Variants in TTN observed in about 807,000 individuals in gnomAD.
The protein encoded by TTN is connectin.
In TTN, 1,525 loss-of-function variants were observed where a neutral mutation model predicts 3,223.0. That is an observed-to-expected ratio of 0.47 (90% CI 0.45 to 0.49). The LOEUF (loss-of-function observed/expected upper bound fraction) is 0.49, where lower values mean the gene tolerates loss of function less well. Ranked by LOEUF, TTN falls within the 20% of genes least tolerant of loss-of-function variation. The probability of loss-of-function intolerance (pLI) is 0.00; values close to 1 mark genes in which losing one functional copy is unlikely to be tolerated. For synonymous variants in TTN, 14,094 were observed against 15,161.0 expected (o/e 0.93, Z 5.17); for missense variants, 40,786 against 43,424.0 (o/e 0.94, Z 5.40).
At chr2:178,720,748 C>A in intron 79 of TTN, 85 bp from the exon 80 acceptor site, 1 of 1,415,524 alleles carries the variant, frequency 7.1e-7, no homozygotes. Flanking sequence ...TGAAGAGTGA[C>A]TGGTGTGATC....
At position 178,739,608 on chromosome 2, in the gene TTN, C is replaced by A; in HGVS notation, c.13625G>T (p.Ser4542Ile). The stretch of plus-strand genomic sequence containing the variant: ...TGTGGCATCCAAATATTTAACCCTA[C>A]TTTGCACGTTAAAATAACTGACCTC... ...TEEVSYFNVQSRVKYLDATPV... is the reference protein window; with the variant it reads ...TEEVSYFNVQIRVKYLDATPV... Residue 4542 changes from serine (S) to isoleucine (I), a missense_variant, in exon 48 of 363, where the codon AGT becomes ATT. By Grantham distance (142) the Ser-to-Ile change is moderately radical. Coordinates refer to ENST00000589042, the MANE Select transcript of TTN (RefSeq NM_001267550.2). 1 of 1,613,858 alleles carries A rather than the reference C, an allele frequency of 6.2e-7. No homozygotes were observed. The highest frequency in any genetic ancestry group is 8.5e-7 in the Non-Finnish European group (1 of 1,179,832).
At chr2:178,733,918 A>G in intron 52 of TTN, 26 bp from the exon 53 acceptor site, 1 of 1,542,648 alleles carries the variant, frequency 6.5e-7, no homozygotes, top group Non-Finnish European at 8.7e-7. Flanking sequence ...GAGCATATAA[A>G]ACATATCAAT....
In TTN at chr2:178,552,767, T is replaced by C; in HGVS notation, c.90133A>G (p.Thr30045Ala). ...TTGGTCCAGCTGAGGATGACAGATG[T>C]CTTTGTTGAGTCTTTCATTGAGAGA... ...RDLSMKDSTK[T>A]SVILSWTKPD... Residue 30045 changes from threonine to alanine, a missense_variant, in exon 335 of 363, where the codon ACA becomes GCA. Thr to Ala is a moderately conservative substitution (Grantham distance 58). Transcript: ENST00000589042. 6.2e-7 allele frequency: 1 copy of C among 1,613,950 alleles called. No homozygotes were observed. The highest frequency in any genetic ancestry group is 8.5e-7 in the Non-Finnish European group (1 of 1,179,840).
Position 178,579,605 on chromosome 2 carries a change from T to A in TTN, c.67592A>T (p.Glu22531Val). ...FRVSAENENG[E>V]GTPSEITVVA... ...AACAGTGATTTCGCTTGGGGTTCCTTCTCCATTTTCATTCTCAGCACTCAC... is the reference window on the plus strand; with the variant it reads ...AACAGTGATTTCGCTTGGGGTTCCTACTCCATTTTCATTCTCAGCACTCAC... Residue 22531 changes from glutamate to valine, a missense_variant, in exon 319 of 363, where the codon GAA becomes GTA. Coordinates refer to ENST00000589042, the MANE Select transcript of TTN (RefSeq NM_001267550.2). 1 of 1,613,366 alleles carries A rather than the reference T, an allele frequency of 6.2e-7. No homozygotes were observed. Among genetic ancestry groups the A allele is most frequent in the Non-Finnish European group, 8.5e-7 (1 of 1,179,522 alleles).
Position 178,675,087 on chromosome 2 carries a change from C to T in TTN, c.34564G>A (p.Glu11522Lys), listed in dbSNP as rs749523799. ...TCTTTAGGGAGAATGATTCGTTTTT[C>T]TTCCACCTTCTTAGGCACCTCAGGA... The part of the protein sequence containing the change: ...KVPEVPKKVE[E>K]KRIILPKEEE... The change falls in exon 150 of 363, where the codon GAA becomes AAA. Residue 11522 changes from glutamate to lysine, a missense_variant. Coordinates refer to ENST00000589042, the MANE Select transcript of TTN (RefSeq NM_001267550.2). The T allele has an allele frequency of 1.3e-6, 2 of 1,561,282 alleles. No homozygotes were observed. The highest frequency in any genetic ancestry group is 2.0e-5 in the Admixed American group (1 of 50,426).
At position 178,689,338 on chromosome 2, in the gene TTN, T is replaced by A. The variant is rs1172275396; in HGVS notation, c.31963A>T (p.Arg10655Trp). The A allele has an allele frequency of 6.2e-7, 1 of 1,613,798 alleles. No homozygotes were observed. Among genetic ancestry groups the A allele is most frequent in the Non-Finnish European group, 8.5e-7 (1 of 1,179,870 alleles). Residue 10655 changes from arginine to tryptophan, a missense_variant, in exon 124 of 363, where the codon AGG (arginine) becomes TGG (tryptophan). Physicochemically the swap from Arg to Trp is moderately radical, Grantham distance 101. Coordinates refer to ENST00000589042, the MANE Select transcript of TTN (RefSeq NM_001267550.2). ...TCCTCCTTCCGAGGAACAGGTTTCC[T>A]TTCTTCAGGAACTTTCTTCTTTGGT... ...EIPKKKVPEE[R>W]KPVPRKEEEV...
Position 178,575,695 on chromosome 2 carries a change from C to T in TTN, c.70437G>A (p.Arg23479=), listed in dbSNP as rs767306603. 4 of 1,613,398 alleles carry T rather than the reference C, an allele frequency of 2.5e-6. No homozygotes were observed. The highest frequency in any genetic ancestry group is 3.4e-6 in the Non-Finnish European group (4 of 1,179,640). The stretch of plus-strand genomic sequence containing the variant: ...TAGTGGTGGCTGTGGAATAAGATTT[C>T]CGTGTTGCTTCACGTTTCTCTACAA... The part of the protein sequence containing the change: ...NYIVEKREAT[R]KSYSTATTKC... The change falls in exon 326 of 363, where the codon CGG becomes CGA. Residue 23479 remains arginine, a synonymous_variant. Transcript: ENST00000589042. This position sits in a 1 kb window ranked among gnomAD's most constrained non-coding sequence, Gnocchi z 4.0.
Position 178,667,619 on chromosome 2 carries a change from GATC to G in TTN, c.35629+16_35629+18del. 1 of 1,585,944 alleles carries G rather than the reference GATC, an allele frequency of 6.3e-7. No individual in the cohort carries two copies. The highest frequency in any genetic ancestry group is 8.5e-7 in the Non-Finnish European group (1 of 1,173,008). ...CAAAAAATAATTTTTCTTCAGAGTG[GATC>G]ATTGGTGTTATATACCTTTTGCTAG... On this transcript the variant is annotated intron_variant, in intron 160 of 362. Coordinates refer to ENST00000589042, the MANE Select transcript of TTN (RefSeq NM_001267550.2).
intron 47 of TTN, chr2:178,751,615 C>G (rs2085529310): frequency 4.3e-6 from 7 of 1,613,148 alleles, no homozygotes; most frequent in Non-Finnish European, 5.9e-6. Context: ...GGATAACAAG[C>G]AATGATGCAG....
At chr2:178,664,417 C>T (rs1310394718) in intron 168 of TTN, 43 bp downstream of exon 168, 2 of 1,460,252 alleles carry the variant, frequency 1.4e-6, no homozygotes, top group South Asian at 1.2e-5. Context: ...CTTTCTATCG[C>T]CCCACCCACT....
intron 147 of TTN, 68 bp from the exon 148 acceptor site, chr2:178,676,063 C>T (rs895529116): frequency 4.1e-6 from 6 of 1,450,950 alleles, no homozygotes; most frequent in Non-Finnish European, 5.6e-6. Flanking sequence ...CAAGAAGACC[C>T]CACACCCAGA....
rs571702144 is a variant in TTN at position 178,607,482 on chromosome 2, G to C, written c.53206C>G (p.Arg17736Gly). 6.2e-7 allele frequency: 1 copy of C among 1,613,128 alleles called. No individual in the cohort carries two copies. Among genetic ancestry groups the C allele is most frequent in the Admixed American group, 1.7e-5 (1 of 59,974 alleles). ...KSELIIKDAL[R>G]KDHGRYVITA... ...ATCACATATCTGCCATGGTCTTTTC[G>C]CAGTGCATCCTTGATAATTAGTTCA... Residue 17736 changes from arginine (R) to glycine (G), a missense_variant, in exon 277 of 363, where the codon CGA becomes GGA. Transcript: ENST00000589042.
Position 178,548,260 on chromosome 2 carries a change from A to T in TTN, c.93366T>A (p.Val31122=), listed in dbSNP as rs1373121892. ...EQPAPPRRLD[V]VDTSKSSAVL... ...CTGCGGAGGATTTGCTAGTATCAACAACATCAAGTCTCCTAGGTGGAGCAG... is the reference window on the plus strand; with the variant it reads ...CTGCGGAGGATTTGCTAGTATCAACTACATCAAGTCTCCTAGGTGGAGCAG... Residue 31122 remains valine, a synonymous_variant, in exon 339 of 363, where the codon GTT becomes GTA. Coordinates refer to ENST00000589042, the MANE Select transcript of TTN (RefSeq NM_001267550.2). The surrounding 1 kb of genome is among the most constrained non-coding windows in gnomAD (Gnocchi z 4.3). 6.2e-7 allele frequency: 1 copy of T among 1,613,892 alleles called. No homozygotes were observed. The highest frequency in any genetic ancestry group is 8.5e-7 in the Non-Finnish European group (1 of 1,179,818).
chr2:178,636,924 G>T lies in TTN; in HGVS notation c.40928-125C>A. The stretch of plus-strand genomic sequence containing the variant: ...AGAAGACGAGAAAACTAAAGACCAG[G>T]CAATTGAAAGGCCAATTGAGTTTAT... On this transcript the variant is annotated intron_variant, in intron 224 of 362. Transcript: ENST00000589042. The surrounding 1 kb of genome is among the most constrained non-coding windows in gnomAD (Gnocchi z 4.3). 9.2e-7 allele frequency: 1 copy of T among 1,085,468 alleles called. No homozygotes were observed. The highest frequency in any genetic ancestry group is 1.3e-6 in the Non-Finnish European group (1 of 790,234). The allele number at this position is 1,085,468 out of a possible 1,614,324, so 67.2% of individuals were successfully genotyped here.
At position 178,594,635 on chromosome 2, in the gene TTN, G is replaced by A. The variant is rs372710684; in HGVS notation, c.57859C>T (p.Arg19287Cys). 1.2e-5 allele frequency: 19 copies of A among 1,603,564 alleles called. No individual in the cohort carries two copies. The highest frequency in any genetic ancestry group is 4.0e-5 in the African/African-American group (3 of 74,336). The change falls in exon 296 of 363, where the codon CGT becomes TGT. Residue 19287 changes from arginine (R) to cysteine (C), a missense_variant. By Grantham distance (180) the Arg-to-Cys change is radical (BLOSUM62 -3). Transcript: ENST00000589042. ...VIREPITVPERPEDLEVKEVT... is the reference protein window; with the variant it reads ...VIREPITVPECPEDLEVKEVT... ...TCTTTGACTTCCAGGTCTTCAGGAC[G>A]CTCTGGTACAGCTGCGAATATAAGT...
rs1186041841 is a variant in TTN at position 178,539,374 on chromosome 2, G to T, written c.98683+8C>A. 1.2e-6 allele frequency: 2 copies of T among 1,607,540 alleles called. No individual in the cohort carries two copies. Among genetic ancestry groups the T allele is most frequent in the African/African-American group, 2.7e-5 (2 of 74,628 alleles). On this transcript the variant is annotated splice_region_variant and intron_variant, in intron 352 of 362. Transcript: ENST00000589042. The stretch of plus-strand genomic sequence containing the variant: ...TGTTTATAATTTTGTGGTTGAAAGG[G>T]CACTTACTCAATGGTGTTTTTGGTG...
Position 178,542,811 on chromosome 2 carries a change from C to T in TTN, c.97043G>A (p.Arg32348Lys). ...TTCAACTGTGACACGCTCTGATTCT[C>T]TCAGTTTAGAACCAGCAAAGAACCA... ...ASWFFAGSKL[R>K]ESERVTVETH... Residue 32348 changes from arginine (R) to lysine (K), a missense_variant, in exon 348 of 363, where the codon AGA becomes AAA. Arg to Lys is a conservative substitution (Grantham distance 26). Transcript: ENST00000589042. The T allele has an allele frequency of 6.2e-7, 1 of 1,613,780 alleles. No homozygotes were observed. Among genetic ancestry groups the T allele is most frequent in the Non-Finnish European group, 8.5e-7 (1 of 1,179,778 alleles).
rs1060500394 is a variant in TTN at position 178,680,328 on chromosome 2, G to A, written c.33344C>T (p.Pro11115Leu). ...EQVTEPAAKV[P>L]MKPKRVVAEE... Reference sequence around the variant, plus strand: ...TGCGACAACCCTCTTGGGCTTCATGGGCACTTGAAATATGAAGTATAAGGA... The same window carrying A: ...TGCGACAACCCTCTTGGGCTTCATGAGCACTTGAAATATGAAGTATAAGGA... The change falls in exon 139 of 363, where the codon CCC becomes CTC. Residue 11115 changes from proline (P) to leucine (L), a missense_variant. Coordinates refer to ENST00000589042, the MANE Select transcript of TTN (RefSeq NM_001267550.2). 5 of 1,607,414 alleles carry A rather than the reference G, an allele frequency of 3.1e-6. No homozygotes were observed. In the African/African-American group the frequency reaches 6.7e-5, roughly 22 times the overall value.
At chr2:178,729,614 A>T (rs2080032625) in intron 63 of TTN, 48 bp from the exon 64 acceptor site, 1 of 1,613,142 alleles carries the variant, frequency 6.2e-7, no homozygotes. Flanking sequence ...GAAGACCCCA[A>T]ACTTATCAGG....
Sources: allele counts gnomAD v4.1 joint callset, GRCh38; gene constraint gnomAD v4.1.1; non-coding constraint Gnocchi (gnomAD v3.1); transcripts MANE v1.5; gene names NCBI Gene and HGNC (gene_info 2026-07-23, HGNC 2026-07-21).